Variants in ZNRF1 observed in about 807,000 individuals in gnomAD.
The protein encoded by ZNRF1 is zinc and ring finger 1.
ZNRF1 carries 3 observed loss-of-function variants against 18.4 expected under a neutral mutation model. The observed-to-expected ratio is 0.16, with a 90% CI of 0.07 to 0.42. The LOEUF (loss-of-function observed/expected upper bound fraction) is 0.42. Ranked by LOEUF, ZNRF1 falls within the 10% of genes least tolerant of loss-of-function variation. The pLI is 0.99. For missense variants in ZNRF1, 310 were observed against 329.8 expected, an observed-to-expected ratio of 0.94 and a Z score of 0.47; for synonymous variants, 157 against 144.2, an observed-to-expected ratio of 1.09 and a Z score of -0.64.
intron 2 of ZNRF1, among the ~76,000 whole-genome samples, chr16:75,101,382 C>T (rs1302235983): frequency 2.6e-5 from 4 of 152,154 alleles, no homozygotes; most frequent in Admixed American, 6.5e-5. Context: ...GATGAGACCC[C>T]GTCTCTACTA....
In ZNRF1 at chr16:75,108,750, C is replaced by G. The variant is rs1026631851; in HGVS notation, c.*1050C>G. 24 of 386,734 alleles carry G rather than the reference C, an allele frequency of 6.2e-5. No homozygotes were observed. In the East Asian group the frequency reaches 8.4e-4, roughly 14 times the overall value. 24.0% of individuals were successfully genotyped at this position (386,734 alleles called of 1,614,324 possible). A position where few individuals can be genotyped will look rare whatever the true frequency, so the allele number is the denominator to read the frequency against. On this transcript the variant is annotated 3_prime_UTR_variant, in exon 5 of 5. Transcript: ENST00000335325. Reference sequence around the variant, plus strand: ...TTATTTTAATGAAGTGTTATACAATCAAGAAATGGGGGCAAGGGCCTGCCC... The same window carrying G: ...TTATTTTAATGAAGTGTTATACAATGAAGAAATGGGGGCAAGGGCCTGCCC...
intron 1 of ZNRF1, among the ~76,000 whole-genome samples, chr16:75,045,807 C>T (rs1003382419): frequency 3.3e-5 from 5 of 151,602 alleles, no homozygotes; most frequent in Non-Finnish European, 7.4e-5. Flanking sequence ...TCTCGAATTC[C>T]TGGGCTCAAG....
At chr16:75,063,285 G>A (rs1401633267) in intron 1 of ZNRF1, among the ~76,000 whole-genome samples, 1 of 152,168 alleles carries the variant, frequency 6.6e-6, no homozygotes, top group East Asian at 1.9e-4. Context: ...ACCCTGATCT[G>A]CAGGGAGTGC....
At chr16:75,009,986 C>G (rs1042988844) in intron 1 of ZNRF1, among the ~76,000 whole-genome samples, 2 of 151,774 alleles carry the variant, frequency 1.3e-5, no homozygotes, top group Non-Finnish European at 2.9e-5. Flanking sequence ...CAGGTTGCCT[C>G]TTTTCTTTTC....
chr16:75,040,042 CTTTTTTTTTTT>C (rs57122648), intron 1 of ZNRF1, among the ~76,000 whole-genome samples: 6 of 78,856 alleles, frequency 7.6e-5, no homozygotes, highest in East Asian at 3.5e-4. Context: ...TCTTTTCTTT[CTTTTTTTTTTT>C]TTTTTTTTTT....
At position 75,018,047 on chromosome 16, in the gene ZNRF1, A is replaced by G. The variant is rs756421346; in HGVS notation, c.424+17952A>G. On this transcript the variant is annotated intron_variant, in intron 1 of 4. Transcript: ENST00000335325. ...TACCTCTAAAGTGAAGCTAACAATAATAACAGTGTCTATCATATAGGACTC... is the reference window on the plus strand; with the variant it reads ...TACCTCTAAAGTGAAGCTAACAATAGTAACAGTGTCTATCATATAGGACTC... 1.9e-4 allele frequency among the ~76,000 whole-genome samples: 29 copies of G among 152,236 alleles called. 1 individual carries two copies. Among genetic ancestry groups the G allele is most frequent in the Non-Finnish European group, 8.8e-5 (6 of 68,040 alleles).
chr16:75,060,279 C>A (rs1245847944), intron 1 of ZNRF1, among the ~76,000 whole-genome samples: 2 of 151,984 alleles, frequency 1.3e-5, no homozygotes, highest in African/African-American at 4.8e-5. Context: ...GTCTCAAACT[C>A]CTGACGTTGT....
chr16:75,000,415 C>T (rs1440297989), intron 1 of ZNRF1: 2 of 533,664 alleles, frequency 3.7e-6, no homozygotes, highest in Non-Finnish European at 7.2e-6. Flanking sequence ...AGCAAGTCAG[C>T]CTGGGTACTT....
At chr16:75,102,876 C>T (rs776967561) in intron 2 of ZNRF1, among the ~76,000 whole-genome samples, 1 of 152,232 alleles carries the variant, frequency 6.6e-6, no homozygotes, top group Non-Finnish European at 1.5e-5. Context: ...CTCATCCGCA[C>T]ACGCAGGGCT....
chr16:75,016,765 G>A lies in ZNRF1; in HGVS notation c.424+16670G>A, dbSNP rs558423151. Among the ~76,000 whole-genome samples, 500 of 137,794 alleles carry A rather than the reference G, an allele frequency of 3.6e-3. 5 individuals carry two copies. The highest frequency in any genetic ancestry group is 0.013 in the African/African-American group (471 of 35,158). The allele number at this position is 137,794 out of a possible 152,430, so 90.4% of individuals were successfully genotyped here. ...TCACCATGTTGGTCAGGCTGGTCTC[G>A]AACTCCTGACCTCAGGTGATTCACC... On this transcript the variant is annotated intron_variant, in intron 1 of 4. Transcript: ENST00000335325.
At chr16:75,050,904 A>AAAAAAAAC (rs1567478947) in intron 1 of ZNRF1, among the ~76,000 whole-genome samples, 1 of 128,494 alleles carries the variant, frequency 7.8e-6, no homozygotes, top group African/African-American at 3.0e-5. Context: ...AAAAACAAAA[A>AAAAAAAAC]ACTTGTAGCC....
chr16:75,013,162 T>C (rs1235068142), intron 1 of ZNRF1, among the ~76,000 whole-genome samples: 1 of 152,240 alleles, frequency 6.6e-6, no homozygotes. Flanking sequence ...AACACTTTCA[T>C]ATGACAGCAT....
intron 1 of ZNRF1, among the ~76,000 whole-genome samples, chr16:75,042,171 A>G (rs1158281768): frequency 1.3e-5 from 2 of 152,090 alleles, no homozygotes; most frequent in East Asian, 1.9e-4. Flanking sequence ...ATTTGCAACT[A>G]TTTTCTCCCA....
chr16:75,079,282 C>G (rs1381944561), intron 1 of ZNRF1, among the ~76,000 whole-genome samples: 1 of 152,114 alleles, frequency 6.6e-6, no homozygotes, highest in African/African-American at 2.4e-5. Flanking sequence ...AAGATCAAGA[C>G]CATCCTGGCC....
intron 2 of ZNRF1, among the ~76,000 whole-genome samples, chr16:75,098,292 C>T (rs370258919): frequency 6.6e-6 from 1 of 152,188 alleles, no homozygotes; most frequent in African/African-American, 2.4e-5. Flanking sequence ...GAACAGGTGG[C>T]TACAGGAAAG....
chr16:75,091,981 GAAAAT>G (rs1567492948), intron 1 of ZNRF1, among the ~76,000 whole-genome samples: 3 of 152,004 alleles, frequency 2.0e-5, no homozygotes, highest in Admixed American at 6.6e-5. Context: ...TAAGGAGAGA[GAAAAT>G]AAAATGTTAT....
Position 74,999,354 on chromosome 16 carries a change from TC to T in ZNRF1, c.-313del. Reference sequence around the variant, plus strand: ...GCCTCCCTCCCTCCTTCCCTGCGGCTCCCCCGGCTTTCGGAGCCCGGGGGCG... The same window carrying T: ...GCCTCCCTCCCTCCTTCCCTGCGGCTCCCCGGCTTTCGGAGCCCGGGGGCG... On this transcript the variant is annotated 5_prime_UTR_variant, in exon 1 of 5. Transcript: ENST00000335325. 5.3e-6 allele frequency: 1 copy of T among 187,236 alleles called. No individual in the cohort carries two copies. Among genetic ancestry groups the T allele is most frequent in the Non-Finnish European group, 1.1e-5 (1 of 92,076 alleles). The allele number at this position is 187,236 out of a possible 1,614,324, so 11.6% of individuals were successfully genotyped here.
Position 75,013,407 on chromosome 16 carries a change from C to T in ZNRF1, c.424+13312C>T, listed in dbSNP as rs140755267. 5.9e-5 allele frequency among the ~76,000 whole-genome samples: 9 copies of T among 151,446 alleles called. No homozygotes were observed. In the East Asian group the frequency reaches 1.7e-3, roughly 29 times the overall value. Reference sequence around the variant, plus strand: ...CTGTCGCCAGGCTGGAGTGCAGTGGCGTGATCTCAGCTCACTGCAACCTCT... The same window carrying T: ...CTGTCGCCAGGCTGGAGTGCAGTGGTGTGATCTCAGCTCACTGCAACCTCT... On this transcript the variant is annotated intron_variant, in intron 1 of 4. Transcript: ENST00000335325.
At chr16:75,021,615 T>A (rs1397512011) in intron 1 of ZNRF1, among the ~76,000 whole-genome samples, 2 of 152,234 alleles carry the variant, frequency 1.3e-5, no homozygotes, top group African/African-American at 4.8e-5. Context: ...AAGTCTGGGT[T>A]GGCAGTTACT....
Sources: allele counts gnomAD v4.1 joint callset (sites outside exome capture counted in the v4.1 genomes callset), GRCh38; gene constraint gnomAD v4.1.1; transcripts MANE v1.5; gene names NCBI Gene and HGNC (gene_info 2026-07-23, HGNC 2026-07-21).